NEGR1: variants seen among roughly 807,000 people sequenced by gnomAD.
The protein encoded by NEGR1 is neuronal growth regulator 1.
Under a neutral mutation model 40.9 loss-of-function variants are expected in NEGR1, and 10 were observed. That is an observed-to-expected ratio of 0.24 (90% CI 0.15 to 0.42). NEGR1 has a LOEUF of 0.42. Ranked by LOEUF, NEGR1 falls within the 10% of genes least tolerant of loss-of-function variation. The pLI, the probability that NEGR1 is intolerant of heterozygous loss-of-function variation, is 1.00. For missense variants in NEGR1, 352 were observed against 438.9 expected (o/e 0.80, Z 1.77); for synonymous variants, 185 against 166.8 (o/e 1.11, Z -0.84).
intron 3 of NEGR1, among the ~76,000 whole-genome samples, chr1:71,736,335 A>T (rs1655040251): frequency 6.6e-6 from 1 of 152,156 alleles, no homozygotes. Flanking sequence ...TACTTTCACA[A>T]GAACTATTTT....
intron 3 of NEGR1, among the ~76,000 whole-genome samples, chr1:71,757,671 C>G (rs1655789530): frequency 1.3e-5 from 2 of 152,006 alleles, no homozygotes; most frequent in African/African-American, 4.8e-5. Flanking sequence ...CTCTCATCAC[C>G]CAGAGTTTAT....
chr1:72,159,801 T>C (rs1313736213), intron 1 of NEGR1, among the ~76,000 whole-genome samples: 2 of 152,164 alleles, frequency 1.3e-5, no homozygotes, highest in East Asian at 3.8e-4. Context: ...TGCACAAATC[T>C]TATGTATAGA....
chr1:71,946,662 C>G (rs146793241), intron 1 of NEGR1, among the ~76,000 whole-genome samples: 23 of 152,014 alleles, frequency 1.5e-4, no homozygotes, highest in Non-Finnish European at 2.8e-4. Flanking sequence ...TATTGATATC[C>G]TATCTTTTCT....
chr1:71,837,145 A>T (rs1342445600), intron 2 of NEGR1: 2 of 152,114 alleles, frequency 1.3e-5, no homozygotes, highest in Non-Finnish European at 2.9e-5. Flanking sequence ...ATGATTAGCA[A>T]TTCCAAGACA....
intron 1 of NEGR1, among the ~76,000 whole-genome samples, chr1:71,960,309 AG>A (rs1388700800): frequency 2.6e-5 from 4 of 152,148 alleles, no homozygotes; most frequent in Non-Finnish European, 5.9e-5. Context: ...TGCCCTGGAA[AG>A]CTTCTTTGGA....
chr1:72,131,658 T>C (rs567885757), intron 1 of NEGR1, among the ~76,000 whole-genome samples: 10 of 152,312 alleles, frequency 6.6e-5, no homozygotes, highest in African/African-American at 2.4e-4. Context: ...AAAATACATC[T>C]AATAAATAGA....
At chr1:72,038,730 T>C (rs933234498) in intron 1 of NEGR1, among the ~76,000 whole-genome samples, 5 of 151,936 alleles carry the variant, frequency 3.3e-5, no homozygotes, top group Non-Finnish European at 7.4e-5. Flanking sequence ...TAGAAAGAGA[T>C]AGAAAAGATG....
chr1:71,689,120 TAAAGGATGA>T (rs1204791438), intron 4 of NEGR1, among the ~76,000 whole-genome samples: 1 of 152,206 alleles, frequency 6.6e-6, no homozygotes, highest in Non-Finnish European at 1.5e-5. Flanking sequence ...AATTACATTT[TAAAGGATGA>T]AAAGTTTGCC....
At chr1:71,493,397 A>G (rs866112316) in intron 6 of NEGR1, among the ~76,000 whole-genome samples, 2 of 152,164 alleles carry the variant, frequency 1.3e-5, no homozygotes, top group Non-Finnish European at 2.9e-5. Context: ...TAATTTGTAG[A>G]TTATTTTAAT....
intron 2 of NEGR1, 64 bp from the exon 3 acceptor site, chr1:71,776,361 A>G: frequency 2.1e-6 from 2 of 960,952 alleles, no homozygotes; most frequent in East Asian, 6.1e-5. Context: ...AGTACGTATG[A>G]TTAATTCCAT....
chr1:71,770,309 G>C (rs963515052), intron 3 of NEGR1, among the ~76,000 whole-genome samples: 2 of 152,042 alleles, frequency 1.3e-5, no homozygotes, highest in African/African-American at 2.4e-5. Context: ...CAGATTACAG[G>C]CTCCGTTCCA....
intron 6 of NEGR1, among the ~76,000 whole-genome samples, chr1:71,564,416 C>G (rs999364122): frequency 4.6e-5 from 7 of 152,068 alleles, no homozygotes; most frequent in Non-Finnish European, 8.8e-5. Context: ...CAATCTTTAT[C>G]TTCCCCATTC....
At chr1:71,975,391 A>G (rs1570569929) in intron 1 of NEGR1, among the ~76,000 whole-genome samples, 2 of 152,184 alleles carry the variant, frequency 1.3e-5, no homozygotes, top group East Asian at 3.9e-4. Context: ...AAAATACTGC[A>G]ACCTAAAGAA....
At chr1:71,914,208 T>G (rs1404819913) in intron 2 of NEGR1, among the ~76,000 whole-genome samples, 1 of 152,198 alleles carries the variant, frequency 6.6e-6, no homozygotes, top group Admixed American at 6.5e-5. Context: ...AATACATTAT[T>G]ATATCCTGAG....
At chr1:71,968,375 G>T (rs780747125) in intron 1 of NEGR1, among the ~76,000 whole-genome samples, 12 of 152,186 alleles carry the variant, frequency 7.9e-5, no homozygotes, top group Non-Finnish European at 1.3e-4. Flanking sequence ...GTTGCGGTCA[G>T]TTAGTGAGTT....
At chr1:71,844,964 A>G (rs1217900601) in intron 2 of NEGR1, among the ~76,000 whole-genome samples, 1 of 152,144 alleles carries the variant, frequency 6.6e-6, no homozygotes, top group African/African-American at 2.4e-5. Flanking sequence ...TGCAGACAGA[A>G]ATTATTTCAG....
chr1:72,271,190 C>A, intron 1 of NEGR1, among the ~76,000 whole-genome samples: 1 of 151,898 alleles, frequency 6.6e-6, no homozygotes, highest in Non-Finnish European at 1.5e-5. Context: ...TAAGCAAAAG[C>A]AACTTCACGT....
chr1:71,756,332 A>G (rs928056251), intron 3 of NEGR1, among the ~76,000 whole-genome samples: 1 of 151,594 alleles, frequency 6.6e-6, no homozygotes, highest in Non-Finnish European at 1.5e-5. Flanking sequence ...ACTGTGGATT[A>G]ATATGTTGAA....
chr1:71,637,537 A>C (rs1651195153), intron 4 of NEGR1, among the ~76,000 whole-genome samples: 1 of 151,988 alleles, frequency 6.6e-6, no homozygotes, highest in African/African-American at 2.4e-5. Flanking sequence ...TAACAGAATA[A>C]AGTCTAAATG....
Sources: allele counts gnomAD v4.1 joint callset (sites outside exome capture counted in the v4.1 genomes callset), GRCh38; gene constraint gnomAD v4.1.1; transcripts MANE v1.5; gene names NCBI Gene and HGNC (gene_info 2026-07-23, HGNC 2026-07-21).